Variants in AGBL4 observed in about 807,000 individuals in gnomAD.
AGBL4 encodes the protein AGBL carboxypeptidase 4.
A neutral mutation model predicts 66.4 loss-of-function variants in AGBL4; 58 were observed. That is an observed-to-expected ratio of 0.87 (90% CI 0.71 to 1.09). AGBL4 has a LOEUF of 1.09. AGBL4 is among the 50% of genes least tolerant of loss of function. AGBL4 has a pLI of 0.00. For missense variants in AGBL4, 579 were observed against 631.0 expected (o/e 0.92, Z 0.88); for synonymous variants, 234 against 222.9 (o/e 1.05, Z -0.44).
intron 3 of AGBL4, among the ~76,000 whole-genome samples, chr1:49,262,011 C>G (rs1653224824): frequency 6.6e-6 from 1 of 151,786 alleles, no homozygotes; most frequent in Non-Finnish European, 1.5e-5. Flanking sequence ...CGCCGCATAT[C>G]TACAACTGTC....
chr1:48,584,677 C>G (rs41289196), intron 11 of AGBL4: 1 of 152,418 alleles, frequency 6.6e-6, no homozygotes, highest in South Asian at 2.1e-4. Context: ...GATCATGCCA[C>G]TACACTCTAG....
chr1:49,951,595 A>T (rs1029644021), intron 1 of AGBL4, among the ~76,000 whole-genome samples: 16 of 151,946 alleles, frequency 1.1e-4, no homozygotes, highest in Middle Eastern at 3.4e-3. Flanking sequence ...GCCTTTTAAA[A>T]CTTCCAACTT....
chr1:49,532,704 A>G (rs1035182898), intron 3 of AGBL4, among the ~76,000 whole-genome samples: 1 of 152,094 alleles, frequency 6.6e-6, no homozygotes, highest in Non-Finnish European at 1.5e-5. Flanking sequence ...CATCCACTCT[A>G]TTCTAGGCAT....
chr1:49,845,193 C>T (rs1412014016), intron 2 of AGBL4: 5 of 1,440,252 alleles, frequency 3.5e-6, no homozygotes, highest in Non-Finnish European at 4.9e-6. Flanking sequence ...TCTTCCGAAA[C>T]AGCTCGGCAC....
chr1:48,604,655 T>C (rs149172610), intron 9 of AGBL4, among the ~76,000 whole-genome samples: 11 of 152,232 alleles, frequency 7.2e-5, no homozygotes, highest in African/African-American at 2.2e-4. Context: ...CATAATCAAA[T>C]ACTTAGGCCC....
intron 11 of AGBL4, among the ~76,000 whole-genome samples, chr1:48,576,041 C>A (rs1644648277): frequency 6.6e-6 from 1 of 152,214 alleles, no homozygotes; most frequent in Non-Finnish European, 1.5e-5. Flanking sequence ...CAGATCTACT[C>A]CCTCTGCTTC....
chr1:49,807,481 A>G (rs1645001391), intron 2 of AGBL4, among the ~76,000 whole-genome samples: 2 of 152,210 alleles, frequency 1.3e-5, no homozygotes, highest in South Asian at 4.1e-4. Flanking sequence ...TCACCACTGT[A>G]ATGTGAAAGC....
intron 6 of AGBL4, among the ~76,000 whole-genome samples, chr1:48,826,015 C>T (rs1008753897): frequency 1.3e-5 from 2 of 152,134 alleles, no homozygotes; most frequent in Admixed American, 6.5e-5. Flanking sequence ...GCCCTTCTAC[C>T]TTCACCCACA....
intron 5 of AGBL4, among the ~76,000 whole-genome samples, chr1:48,939,968 T>C (rs1343015657): frequency 6.6e-6 from 1 of 152,174 alleles, no homozygotes; most frequent in Non-Finnish European, 1.5e-5. Flanking sequence ...CATCCTACAA[T>C]GCACAGGACA....
At chr1:49,543,230 G>A (rs1652204516) in intron 3 of AGBL4, among the ~76,000 whole-genome samples, 1 of 151,950 alleles carries the variant, frequency 6.6e-6, no homozygotes, top group Admixed American at 6.6e-5. Context: ...ATTCCACAAC[G>A]AATACCATCT....
At chr1:49,969,476 T>C (rs1175659608) in intron 1 of AGBL4, among the ~76,000 whole-genome samples, 1 of 152,124 alleles carries the variant, frequency 6.6e-6, no homozygotes, top group East Asian at 1.9e-4. Flanking sequence ...TAGGACTTAT[T>C]CATCTGGCAT....
intron 3 of AGBL4, among the ~76,000 whole-genome samples, chr1:49,345,402 G>A (rs950408720): frequency 2.0e-5 from 3 of 152,030 alleles, no homozygotes; most frequent in African/African-American, 7.2e-5. Context: ...CATCTTTAAA[G>A]GGCAGTTTAT....
chr1:49,137,839 C>T (rs1157896205), intron 4 of AGBL4, among the ~76,000 whole-genome samples: 1 of 152,082 alleles, frequency 6.6e-6, no homozygotes, highest in African/African-American at 2.4e-5. Context: ...ACCATTTATG[C>T]TACTCTTGGA....
chr1:48,931,775 C>G (rs1473896253), intron 5 of AGBL4, among the ~76,000 whole-genome samples: 1 of 152,162 alleles, frequency 6.6e-6, no homozygotes, highest in African/African-American at 2.4e-5. Flanking sequence ...TCCTGAAGTG[C>G]TGGGATTACA....
At chr1:49,565,886 T>G (rs1431963348) in intron 3 of AGBL4, among the ~76,000 whole-genome samples, 2 of 152,226 alleles carry the variant, frequency 1.3e-5, no homozygotes, top group Non-Finnish European at 2.9e-5. Context: ...GATAATATCC[T>G]GCAGAGTGTT....
At chr1:49,257,290 C>G (rs999534918) in intron 3 of AGBL4, 2 of 152,280 alleles carry the variant, frequency 1.3e-5, no homozygotes, top group Admixed American at 1.3e-4. Context: ...CCTACAGAGG[C>G]AGGCAGGCCT....
intron 5 of AGBL4, among the ~76,000 whole-genome samples, chr1:49,012,371 C>T (rs1216531596): frequency 6.6e-6 from 1 of 152,120 alleles, no homozygotes; most frequent in Non-Finnish European, 1.5e-5. Flanking sequence ...AACATAAAGA[C>T]AGAATTATGA....
intron 2 of AGBL4, among the ~76,000 whole-genome samples, chr1:49,789,063 T>C (rs111894556): frequency 0.03 from 4,646 of 152,330 alleles, 109 homozygotes; most frequent in Non-Finnish European, 0.043. Flanking sequence ...CGGTGTTGAA[T>C]TTTATCAAAG....
At chr1:50,008,867 G>T (rs1457706080) in intron 1 of AGBL4, among the ~76,000 whole-genome samples, 1 of 152,028 alleles carries the variant, frequency 6.6e-6, no homozygotes, top group Non-Finnish European at 1.5e-5. Context: ...AGGCCATCAT[G>T]ACCAACCATA....
Sources: gnomAD v4.1 joint callset for allele counts (sites outside exome capture counted in the v4.1 genomes callset) on GRCh38, gnomAD v4.1.1 for gene constraint, MANE v1.5 for transcripts, NCBI Gene and HGNC (gene_info 2026-07-23, HGNC 2026-07-21) for gene names.